LOC400499: variants seen among roughly 807,000 people sequenced by gnomAD.
chr16:11,438,607 CAAAAAAAAAAA>C, the LOC400499 span, among the ~76,000 whole-genome samples: 1 of 59,850 alleles, frequency 1.7e-5, no homozygotes, highest in South Asian at 6.5e-4. Flanking sequence ...CCTGTCTCTG[CAAAAAAAAAAA>C]AAAAAAAAAA....
chr16:11,463,267 CCT>C, the LOC400499 span, among the ~76,000 whole-genome samples: 3 of 65,950 alleles, frequency 4.5e-5, no homozygotes, highest in African/African-American at 1.8e-4. Flanking sequence ...CCCACGCCCC[CCT>C]GATGGCCACC....
At chr16:11,383,061 G>T in the LOC400499 span, among the ~76,000 whole-genome samples, 1 of 147,684 alleles carries the variant, frequency 6.8e-6, no homozygotes, top group African/African-American at 2.6e-5. Flanking sequence ...AAGAGAGGAG[G>T]TGCCAGGGTC....
At chr16:11,500,511 AAATAATAAT>A in the LOC400499 span, among the ~76,000 whole-genome samples, 2 of 143,882 alleles carry the variant, frequency 1.4e-5, no homozygotes, top group African/African-American at 5.1e-5. Context: ...ACTCCGTCCT[AAATAATAAT>A]AATAATAATA....
chr16:11,452,043 A>G, the LOC400499 span, among the ~76,000 whole-genome samples: 1 of 152,138 alleles, frequency 6.6e-6, no homozygotes, highest in Admixed American at 6.5e-5. Flanking sequence ...ACCTATGTAT[A>G]GCGCCTCTTT....
chr16:11,376,399 T>A, the LOC400499 span, among the ~76,000 whole-genome samples: 1 of 152,188 alleles, frequency 6.6e-6, no homozygotes, highest in Non-Finnish European at 1.5e-5. Context: ...GTTAACTTCA[T>A]TCTTTTGCAT....
At chr16:11,384,070 T>G in the LOC400499 span, 1 of 1,231,300 alleles carries the variant, frequency 8.1e-7, no homozygotes, top group South Asian at 4.1e-5. Flanking sequence ...CCGCGTACAC[T>G]GGCCTCAGCA....
the LOC400499 span, chr16:11,494,503 G>A: frequency 1.0e-5 from 3 of 294,870 alleles, no homozygotes; most frequent in East Asian, 5.5e-5. Context: ...CTCTCCACCT[G>A]GAGCTTGCCT....
chr16:11,420,608 C>A, the LOC400499 span, among the ~76,000 whole-genome samples: 1 of 92,912 alleles, frequency 1.1e-5, no homozygotes, highest in South Asian at 3.5e-4. Context: ...CCCCCCCCCC[C>A]GGAAAAAAAC....
the LOC400499 span, among the ~76,000 whole-genome samples, chr16:11,507,082 C>A: frequency 6.6e-6 from 1 of 151,988 alleles, no homozygotes; most frequent in Non-Finnish European, 1.5e-5. Flanking sequence ...TCGAGGCCCA[C>A]AGCCCTTGCC....
At chr16:11,427,110 C>T in the LOC400499 span, among the ~76,000 whole-genome samples, 1 of 151,766 alleles carries the variant, frequency 6.6e-6, no homozygotes, top group Non-Finnish European at 1.5e-5. Context: ...GTAATCCCAG[C>T]ACTTTGGGAG....
At chr16:11,388,619 G>A in the LOC400499 span, among the ~76,000 whole-genome samples, 7 of 152,248 alleles carry the variant, frequency 4.6e-5, no homozygotes, top group Admixed American at 2.6e-4. Flanking sequence ...CACCACCCCC[G>A]TGTTCTCAAC....
At chr16:11,516,500 T>G in the LOC400499 span, among the ~76,000 whole-genome samples, 1 of 152,168 alleles carries the variant, frequency 6.6e-6, no homozygotes, top group Non-Finnish European at 1.5e-5. Flanking sequence ...AACTCTGCTC[T>G]GAGCCACCCC....
At chr16:11,525,117 C>G in the LOC400499 span, among the ~76,000 whole-genome samples, 2 of 151,994 alleles carry the variant, frequency 1.3e-5, no homozygotes, top group Non-Finnish European at 2.9e-5. Context: ...AACCCCCTCT[C>G]TATAAAAAAT....
chr16:11,520,931 C>T, the LOC400499 span, among the ~76,000 whole-genome samples: 5 of 152,078 alleles, frequency 3.3e-5, no homozygotes, highest in Non-Finnish European at 7.4e-5. Context: ...ATATCCTTGC[C>T]AACATTTGAC....
At chr16:11,395,659 G>A in the LOC400499 span, among the ~76,000 whole-genome samples, 1 of 152,216 alleles carries the variant, frequency 6.6e-6, no homozygotes, top group Non-Finnish European at 1.5e-5. Context: ...GTACAAATGT[G>A]TTTGCTCCTA....
At chr16:11,484,549 G>A in the LOC400499 span, among the ~76,000 whole-genome samples, 1 of 152,144 alleles carries the variant, frequency 6.6e-6, no homozygotes, top group Admixed American at 6.5e-5. Flanking sequence ...GTTAAGGATG[G>A]GTATTAACAA....
At chr16:11,384,364 C>T in the LOC400499 span, 3 of 1,130,700 alleles carry the variant, frequency 2.7e-6, no homozygotes, top group Non-Finnish European at 3.4e-6. Context: ...CCGTAAGACC[C>T]TGTGATCCTC....
At chr16:11,384,080 A>G in the LOC400499 span, 2 of 1,230,954 alleles carry the variant, frequency 1.6e-6, no homozygotes, top group East Asian at 6.3e-5. Context: ...TGGCCTCAGC[A>G]GGAGACTTCC....
the LOC400499 span, among the ~76,000 whole-genome samples, chr16:11,394,095 C>T: frequency 6.6e-6 from 1 of 152,202 alleles, no homozygotes; most frequent in Admixed American, 6.5e-5. Flanking sequence ...CCTGGCATTT[C>T]TAACATCCCC....
Sources: gnomAD v4.1 joint callset for allele counts (sites outside exome capture counted in the v4.1 genomes callset) on GRCh38, gnomAD v4.1.1 for gene constraint, MANE v1.5 for transcripts.